The following ARID1B variants were observed in gnomAD, a reference collection of about 807,000 sequenced individuals.
ARID1B encodes AT-rich interactive domain-containing protein 1B.
A neutral mutation model predicts 212.3 loss-of-function variants in ARID1B; 30 were observed. The ratio of observed to expected loss-of-function variants is 0.14; its 90% CI spans 0.11 to 0.19. ARID1B has a LOEUF of 0.19. Among genes scored for constraint, ARID1B ranks in the 10% least tolerant of loss-of-function variants. The probability of loss-of-function intolerance (pLI) is 1.00; values close to 1 mark genes in which losing one functional copy is unlikely to be tolerated. For synonymous variants in ARID1B, 1,402 were observed against 1,301.7 expected, an observed-to-expected ratio of 1.08 and a Z score of -1.66; for missense variants, 2,891 against 3,204.0, an observed-to-expected ratio of 0.90 and a Z score of 2.36.
chr6:157,053,573 C>T (rs915216724), intron 4 of ARID1B, among the ~76,000 whole-genome samples: 9 of 152,188 alleles, frequency 5.9e-5, no homozygotes, highest in Non-Finnish European at 1.0e-4. Context: ...TTCAATCCTG[C>T]AACTTTATTC....
chr6:156,807,098 C>A (rs921841176), intron 1 of ARID1B, among the ~76,000 whole-genome samples: 2 of 152,174 alleles, frequency 1.3e-5, no homozygotes, highest in Non-Finnish European at 2.9e-5. Flanking sequence ...CCCTGGACAG[C>A]GTGCGTTTTT....
At chr6:156,928,115 C>T (rs750218952) in intron 3 of ARID1B, among the ~76,000 whole-genome samples, 2 of 152,168 alleles carry the variant, frequency 1.3e-5, no homozygotes, top group Non-Finnish European at 2.9e-5. Context: ...AGGTGAAGTA[C>T]GGTTTTGCCC....
intron 4 of ARID1B, among the ~76,000 whole-genome samples, chr6:157,076,558 G>A (rs1002298963): frequency 1.4e-5 from 2 of 139,044 alleles, no homozygotes; most frequent in African/African-American, 5.0e-5. Context: ...TTTTTATTGT[G>A]TTATTTTTAG....
chr6:156,903,553 G>A (rs563004350), intron 3 of ARID1B, among the ~76,000 whole-genome samples: 8 of 152,242 alleles, frequency 5.3e-5, no homozygotes, highest in Admixed American at 1.3e-4. Context: ...TGGATTTTAG[G>A]GAGTTGGATG....
At chr6:156,939,321 A>G (rs963451016) in intron 4 of ARID1B, 3 of 152,190 alleles carry the variant, frequency 2.0e-5, no homozygotes, top group African/African-American at 7.2e-5. Flanking sequence ...AACATTGGAT[A>G]TCCCTCAATT....
intron 4 of ARID1B, among the ~76,000 whole-genome samples, chr6:157,018,406 G>T (rs1780038313): frequency 6.6e-6 from 1 of 152,038 alleles, no homozygotes; most frequent in Non-Finnish European, 1.5e-5. Context: ...AGTAGAGACA[G>T]AGTTTCACCA....
chr6:157,112,615 C>G (rs1327737823), intron 6 of ARID1B, among the ~76,000 whole-genome samples: 1 of 152,000 alleles, frequency 6.6e-6, no homozygotes, highest in African/African-American at 2.4e-5. Context: ...AAAGAGAAAC[C>G]CTCTCAGATC....
rs1287648343 is a variant in ARID1B at position 157,180,892 on chromosome 6, A to G, written c.3505-77A>G. 3.2e-6 allele frequency: 4 copies of G among 1,232,124 alleles called. No homozygotes were observed. In the African/African-American group the frequency reaches 4.5e-5, roughly 14 times the overall value. The allele number at this position is 1,232,124 out of a possible 1,614,324, so 76.3% of individuals were successfully genotyped here. A position where few individuals can be genotyped will look rare whatever the true frequency, so the allele number is the denominator to read the frequency against. The stretch of plus-strand genomic sequence containing the variant: ...CTTCTCTTCTTGTATTTGTTAGCTC[A>G]TTACTTTTTTCTCACCTTCTTCCCT... On this transcript the variant is annotated intron_variant, in intron 11 of 19. Transcript: ENST00000636930.
Position 156,803,310 on chromosome 6 carries a change from G to A in ARID1B, c.1791+23839G>A, listed in dbSNP as rs545379271. Among the ~76,000 whole-genome samples the A allele has an allele frequency of 2.6e-5, 4 of 152,278 alleles. No homozygotes were observed. In the East Asian group the frequency reaches 7.7e-4, roughly 29 times the overall value. On this transcript the variant is annotated intron_variant, in intron 1 of 19. Coordinates refer to ENST00000636930, the MANE Select transcript of ARID1B (RefSeq NM_001374828.1). ...ATAATGTTGTATAATAGAAATGTAT[G>A]TACATTTCCTGTGATTTTTCAGTAT... is the stretch of plus-strand genomic sequence containing the variant.
At chr6:157,097,670 C>T (rs1180259694) in intron 5 of ARID1B, among the ~76,000 whole-genome samples, 2 of 152,112 alleles carry the variant, frequency 1.3e-5, no homozygotes, top group African/African-American at 4.8e-5. Flanking sequence ...AGGAAAGTGC[C>T]TTGGCTTTAA....
chr6:157,192,032 T>C (rs1280217114), intron 15 of ARID1B, among the ~76,000 whole-genome samples: 1 of 152,200 alleles, frequency 6.6e-6, no homozygotes, highest in Non-Finnish European at 1.5e-5. Flanking sequence ...CAGGTAACAC[T>C]CATAAAGCAA....
At chr6:156,783,780 C>T (rs930949639) in intron 1 of ARID1B, among the ~76,000 whole-genome samples, 2 of 152,102 alleles carry the variant, frequency 1.3e-5, no homozygotes, top group Non-Finnish European at 2.9e-5. Flanking sequence ...GCTTTTTTGC[C>T]GGTGTCCTCA....
In ARID1B at chr6:156,892,043, C is replaced by CT. The variant is rs1047406340; in HGVS notation, c.1987-9317dup. On this transcript the variant is annotated intron_variant, in intron 2 of 19. Transcript: ENST00000636930. Reference sequence around the variant, plus strand: ...TGCATCACCACACCCAGCGAATTTTCTTTTTTTTTTTTTTTTCTTTTTTTT... The same window carrying CT: ...TGCATCACCACACCCAGCGAATTTTCTTTTTTTTTTTTTTTTTCTTTTTTTT... Among the ~76,000 whole-genome samples the CT allele has an allele frequency of 7.8e-3, 902 of 115,114 alleles. 9 individuals carry two copies. The highest frequency in any genetic ancestry group is 0.022 in the African/African-American group (680 of 31,566). 75.5% of individuals were successfully genotyped at this position (115,114 alleles called of 152,430 possible).
intron 2 of ARID1B, among the ~76,000 whole-genome samples, chr6:156,860,932 A>C (rs1286288320): frequency 6.6e-6 from 1 of 152,124 alleles, no homozygotes; most frequent in East Asian, 1.9e-4. Flanking sequence ...TTTTTGTGCA[A>C]CCAACATTTT....
At chr6:156,787,329 G>A (rs868485561) in intron 1 of ARID1B, among the ~76,000 whole-genome samples, 8 of 152,100 alleles carry the variant, frequency 5.3e-5, no homozygotes, top group Admixed American at 1.3e-4. Context: ...TACTGCTTCT[G>A]GGTCCTGAAA....
chr6:157,198,657 C>T, intron 16 of ARID1B, 154 bp from the exon 17 acceptor site: 1 of 591,180 alleles, frequency 1.7e-6, no homozygotes. Flanking sequence ...AGTTGGCGTG[C>T]AGCTGCCTCT....
chr6:156,956,826 T>A (rs1162721518), intron 4 of ARID1B, among the ~76,000 whole-genome samples: 3 of 152,192 alleles, frequency 2.0e-5, no homozygotes, highest in Non-Finnish European at 4.4e-5. Flanking sequence ...TATATTGTTA[T>A]ATACCACCTG....
chr6:156,976,678 GTAAACTGCGC>G, intron 4 of ARID1B: 1 of 337,906 alleles, frequency 3.0e-6, no homozygotes, highest in Non-Finnish European at 5.7e-6. Flanking sequence ...ACTTTGTTCA[GTAAACTGCGC>G]TGCTGCTCAC....
At chr6:157,035,485 C>G (rs1781271028) in intron 4 of ARID1B, among the ~76,000 whole-genome samples, 2 of 152,138 alleles carry the variant, frequency 1.3e-5, no homozygotes, top group Admixed American at 1.3e-4. Flanking sequence ...TTGGGAAATT[C>G]AAACATGTAA....
Sources: allele counts gnomAD v4.1 joint callset (sites outside exome capture counted in the v4.1 genomes callset), GRCh38; gene constraint gnomAD v4.1.1; transcripts MANE v1.5; gene names NCBI Gene and HGNC (gene_info 2026-07-23, HGNC 2026-07-21).